Variants in METTL25 observed in about 807,000 individuals in gnomAD.
METTL25 encodes the protein methyltransferase like 25, also known as probable methyltransferase-like protein 25.
Under a neutral mutation model 71.6 loss-of-function variants are expected in METTL25, and 64 were observed. That is an observed-to-expected ratio of 0.89 (90% CI 0.73 to 1.10). METTL25 has a LOEUF of 1.10. Among genes scored for constraint, METTL25 ranks in the 50% least tolerant of loss-of-function variants. METTL25 has a pLI of 0.00. For missense variants in METTL25, 807 were observed against 707.0 expected, an observed-to-expected ratio of 1.14 and a Z score of -1.60; for synonymous variants, 287 against 250.3, an observed-to-expected ratio of 1.15 and a Z score of -1.38.
intron 7 of METTL25, among the ~76,000 whole-genome samples, chr12:82,435,525 C>T (rs2731286): frequency 0.92 from 139,174 of 151,344 alleles, 64,367 homozygotes; most frequent in East Asian, 1. Context: ...AAGGCATTAG[C>T]GTTAGAGCAT....
chr12:82,451,088 A>T (rs1891116924), intron 8 of METTL25, among the ~76,000 whole-genome samples: 1 of 152,130 alleles, frequency 6.6e-6, no homozygotes, highest in South Asian at 2.1e-4. Context: ...CTGACTCCAG[A>T]GTATTTTAGA....
chr12:82,397,055 T>C (rs1886145528), intron 3 of METTL25, among the ~76,000 whole-genome samples: 1 of 152,114 alleles, frequency 6.6e-6, no homozygotes, highest in Admixed American at 6.6e-5. Flanking sequence ...GTAAGACTTC[T>C]CTGAATATTC....
intron 1 of METTL25, among the ~76,000 whole-genome samples, chr12:82,372,824 T>C (rs1301832931): frequency 6.6e-6 from 1 of 152,166 alleles, no homozygotes; most frequent in African/African-American, 2.4e-5. Context: ...CAAGGGTCCC[T>C]GGACCTTGCT....
intron 8 of METTL25, among the ~76,000 whole-genome samples, chr12:82,440,503 A>G (rs1890237659): frequency 6.6e-6 from 1 of 152,060 alleles, no homozygotes; most frequent in Non-Finnish European, 1.5e-5. Context: ...TAGAAATGAT[A>G]CTTGATTCTA....
rs372382341 is a variant in METTL25, at chr12:82,479,002, T to C, written c.1790T>C (p.Ile597Thr). 16 of 1,612,452 alleles carry C rather than the reference T, an allele frequency of 9.9e-6. No homozygotes were observed. The East Asian group carries it at 1.1e-4, about 11-fold the overall frequency. The change falls in exon 12 of 12, where the codon ATT becomes ACT. Residue 597 changes from isoleucine (I) to threonine (T), a missense_variant. Transcript: ENST00000248306. ...PVKSPRCYAV[I>T]ALKKQQ The stretch of plus-strand genomic sequence containing the variant: ...AAATCTCCCAGATGTTATGCTGTTA[T>C]TGCCCTGAAGAAGCAGCAGTGATTT...
chr12:82,462,809 T>A (rs1565883865), intron 9 of METTL25, among the ~76,000 whole-genome samples: 4 of 152,136 alleles, frequency 2.6e-5, no homozygotes, highest in Admixed American at 2.6e-4. Context: ...GTCTCTAGTG[T>A]CATAGTATTT....
intron 1 of METTL25, among the ~76,000 whole-genome samples, chr12:82,382,649 A>G (rs1178432317): frequency 6.6e-6 from 1 of 152,222 alleles, no homozygotes; most frequent in Non-Finnish European, 1.5e-5. Flanking sequence ...TATCATAATA[A>G]GATTTTACAA....
At chr12:82,398,746 T>C in intron 3 of METTL25, 49 bp from the exon 4 acceptor site, 3 of 1,296,404 alleles carry the variant, frequency 2.3e-6, no homozygotes, top group Non-Finnish European at 3.0e-6. Context: ...ATGCTTTCTA[T>C]TACCATTTGC....
Position 82,402,536 on chromosome 12 carries a change from G to A in METTL25, c.1132-447G>A, listed in dbSNP as rs1248421663. On this transcript the variant is annotated intron_variant, in intron 4 of 11. Coordinates refer to ENST00000248306, the MANE Select transcript of METTL25 (RefSeq NM_032230.3). ...AATCACTGAAAAAAATTCAAAAGTT[G>A]TAAAAAGAGATCACAGTTATTTTAC... 4.0e-5 allele frequency among the ~76,000 whole-genome samples: 6 copies of A among 151,830 alleles called. No homozygotes were observed. In the East Asian group the frequency reaches 1.2e-3, roughly 29 times the overall value.
chr12:82,380,732 G>A (rs1884364230), intron 1 of METTL25, among the ~76,000 whole-genome samples: 1 of 152,160 alleles, frequency 6.6e-6, no homozygotes, highest in African/African-American at 2.4e-5. Flanking sequence ...ATACAGCAGT[G>A]AATAAAAATT....
intron 1 of METTL25, 49 bp from the exon 2 acceptor site, chr12:82,386,754 A>G: frequency 6.9e-7 from 1 of 1,444,600 alleles, no homozygotes; most frequent in Non-Finnish European, 9.7e-7. Flanking sequence ...TATCACACTA[A>G]TTAACCATTA....
chr12:82,359,961 C>G (rs140231577), intron 1 of METTL25, among the ~76,000 whole-genome samples: 221 of 152,256 alleles, frequency 1.5e-3, no homozygotes, highest in African/African-American at 4.7e-3. Context: ...CTTCAGTTTG[C>G]TCTCATAATA....
chr12:82,447,843 G>C (rs1292728121), intron 8 of METTL25, among the ~76,000 whole-genome samples: 1 of 151,884 alleles, frequency 6.6e-6, no homozygotes, highest in African/African-American at 2.4e-5. Flanking sequence ...TCTTTTATCA[G>C]GCTATACCCC....
chr12:82,463,371 A>T (rs917483031), intron 9 of METTL25, among the ~76,000 whole-genome samples: 4 of 151,910 alleles, frequency 2.6e-5, no homozygotes, highest in African/African-American at 9.7e-5. Context: ...ACTTAACCTA[A>T]TGATCTACAG....
intron 9 of METTL25, among the ~76,000 whole-genome samples, chr12:82,470,569 G>A (rs1017937502): frequency 7.8e-5 from 11 of 141,748 alleles, no homozygotes; most frequent in Non-Finnish European, 1.2e-4. Flanking sequence ...GAAGAAGACA[G>A]GGCAGAAATG....
rs1892605468 is a variant in METTL25, at chr12:82,472,120, CTG to C, written c.1573-4522_1573-4521del. On this transcript the variant is annotated intron_variant, in intron 9 of 11. Transcript: ENST00000248306. The stretch of plus-strand genomic sequence containing the variant: ...CATTGGGACATTGGTGTAATTAAGA[CTG>C]TATATTTAAACCTAAGAAGTTTTTC... 3.3e-5 allele frequency among the ~76,000 whole-genome samples: 5 copies of C among 152,082 alleles called. No individual in the cohort carries two copies. In the South Asian group the frequency reaches 8.3e-4, roughly 25 times the overall value.
At chr12:82,432,906 G>A (rs1889631417) in intron 6 of METTL25, among the ~76,000 whole-genome samples, 1 of 149,938 alleles carries the variant, frequency 6.7e-6, no homozygotes, top group South Asian at 2.1e-4. Context: ...GGTTTTCTGG[G>A]GAATGCTTTC....
chr12:82,412,599 T>G (rs1405759101), intron 5 of METTL25, among the ~76,000 whole-genome samples: 1 of 152,130 alleles, frequency 6.6e-6, no homozygotes, highest in Admixed American at 6.6e-5. Context: ...GCTATATAAA[T>G]TTGTTTGTTC....
intron 7 of METTL25, among the ~76,000 whole-genome samples, chr12:82,437,848 A>C (rs954122358): frequency 2.6e-5 from 4 of 151,682 alleles, no homozygotes; most frequent in African/African-American, 7.2e-5. Flanking sequence ...TTTTAAAAAA[A>C]TAATAACTAC....
Sources: gnomAD v4.1 joint callset for allele counts (sites outside exome capture counted in the v4.1 genomes callset) on GRCh38, gnomAD v4.1.1 for gene constraint, MANE v1.5 for transcripts, NCBI Gene and HGNC (gene_info 2026-07-23, HGNC 2026-07-21) for gene names.